CD244: variants seen among roughly 807,000 people sequenced by gnomAD.
CD244 encodes the protein natural killer cell receptor 2B4.
CD244 carries 20 observed loss-of-function variants against 45.5 expected under a neutral mutation model. That is an observed-to-expected ratio of 0.44 (90% CI 0.31 to 0.64). The LOEUF (loss-of-function observed/expected upper bound fraction) is 0.64. Ranked by LOEUF, CD244 falls within the 30% of genes least tolerant of loss-of-function variation. The pLI is 0.08. For synonymous variants in CD244, 185 were observed against 160.5 expected (o/e 1.15, Z -1.15); for missense variants, 407 against 426.9 (o/e 0.95, Z 0.41).
chr1:160,851,648 T>A (rs1319463559), intron 1 of CD244, among the ~76,000 whole-genome samples: 1 of 152,212 alleles, frequency 6.6e-6, no homozygotes, highest in African/African-American at 2.4e-5. Flanking sequence ...GTTTCCTTTT[T>A]TATTTTTACA....
chr1:160,848,975 C>T (rs781684825), intron 1 of CD244, among the ~76,000 whole-genome samples: 1 of 152,142 alleles, frequency 6.6e-6, no homozygotes, highest in Non-Finnish European at 1.5e-5. Context: ...CTGGTTGGTC[C>T]GAAGTTCTGG....
In CD244 at chr1:160,853,782, T is replaced by TAAA. The variant is rs5778184; in HGVS notation, c.61+8832_61+8834dup. Among the ~76,000 whole-genome samples, 126 of 94,722 alleles carry TAAA rather than the reference T, an allele frequency of 1.3e-3. 3 individuals carry two copies. Among genetic ancestry groups the TAAA allele is most frequent in the African/African-American group, 5.2e-3 (120 of 23,130 alleles). 62.1% of individuals were successfully genotyped at this position (94,722 alleles called of 152,430 possible). A position where few individuals can be genotyped will look rare whatever the true frequency, so the allele number is the denominator to read the frequency against. On this transcript the variant is annotated intron_variant, in intron 1 of 8. Coordinates refer to ENST00000368034, the MANE Select transcript of CD244 (RefSeq NM_016382.4). ...CTGGGTGACAGAGCAAGACCCTGCC[T>TAAA]AAAAAAAAAAAAAAAAAAAAAAAAA...
chr1:160,831,351 G>T lies in CD244; in HGVS notation c.1094C>A (p.Ser365Tyr). 1 of 1,613,290 alleles carries T rather than the reference G, an allele frequency of 6.2e-7. No individual in the cohort carries two copies. Among genetic ancestry groups the T allele is most frequent in the Non-Finnish European group, 8.5e-7 (1 of 1,179,194 alleles). The change falls in exon 9 of 9, where the codon TCC (serine) becomes TAC (tyrosine). Residue 365 changes from serine (S) to tyrosine (Y), a missense_variant. Transcript: ENST00000368034. ...RKELENFDVY[S>Y] Reference sequence around the variant, plus strand: ...AGGTGAGAATTGCTGCAGCAACTAGGAATAAACATCAAAGTTCTCCAGCTC... The same window carrying T: ...AGGTGAGAATTGCTGCAGCAACTAGTAATAAACATCAAAGTTCTCCAGCTC...
In CD244 at chr1:160,845,608, C is replaced by T. The variant is rs537535381; in HGVS notation, c.62-3707G>A. On this transcript the variant is annotated intron_variant, in intron 1 of 8. Transcript: ENST00000368034. ...CGGTGGCTCACGCCTGTAATCCCAG[C>T]ACTTTGGGAGGCCCAGGTGGATGGA... is the stretch of plus-strand genomic sequence containing the variant. 2.0e-5 allele frequency among the ~76,000 whole-genome samples: 3 copies of T among 152,308 alleles called. No homozygotes were observed. The East Asian group carries it at 5.8e-4, about 29-fold the overall frequency.
intron 3 of CD244, 164 bp from the exon 4 acceptor site, chr1:160,839,213 G>A (rs6682654): frequency 0.51 from 297,472 of 582,304 alleles, 79,663 homozygotes; most frequent in Middle Eastern, 0.57. Context: ...TTGCTCATTT[G>A]GTTAACCTCC....
At chr1:160,842,851 GCAGT>G (rs1294674138) in intron 1 of CD244, among the ~76,000 whole-genome samples, 3 of 152,174 alleles carry the variant, frequency 2.0e-5, no homozygotes, top group Admixed American at 1.3e-4. Flanking sequence ...GCAATTCTGT[GCAGT>G]CAGTGTACAA....
In CD244 at chr1:160,836,209, T is replaced by C. The variant is rs1231623191; in HGVS notation, c.880A>G (p.Met294Val). Residue 294 changes from methionine to valine, a missense_variant, in exon 6 of 9, where the codon ATG (methionine) becomes GTG (valine). By Grantham distance (21) the Met-to-Val change is conservative. Coordinates refer to ENST00000368034, the MANE Select transcript of CD244 (RefSeq NM_016382.4). ...TGGAGAGGTACCTGGGACTGGATCA[T>C]AGAGTAGATGGTGCTCCCCCCTCCA... ...FPGGGSTIYS[M>V]IQSQSSAPTS... 14 of 1,613,640 alleles carry C rather than the reference T, an allele frequency of 8.7e-6. No homozygotes were observed. Among genetic ancestry groups the C allele is most frequent in the Non-Finnish European group, 1.2e-5 (14 of 1,179,608 alleles).
At chr1:160,855,898 C>T (rs778415289) in intron 1 of CD244, among the ~76,000 whole-genome samples, 3 of 152,178 alleles carry the variant, frequency 2.0e-5, no homozygotes, top group South Asian at 2.1e-4. Flanking sequence ...CAGTGAGTCC[C>T]GCTCAGCCCT....
Position 160,841,396 on chromosome 1 carries a change from C to T in CD244, c.469G>A (p.Asp157Asn). 6.2e-7 allele frequency: 1 copy of T among 1,614,204 alleles called. No homozygotes were observed. The highest frequency in any genetic ancestry group is 1.1e-5 in the South Asian group (1 of 91,084). The change falls in exon 3 of 9, where the codon GAT becomes AAT. Residue 157 changes from aspartate (D) to asparagine (N), a missense_variant. By Grantham distance (23) the Asp-to-Asn change is conservative (BLOSUM62 1). Coordinates refer to ENST00000368034, the MANE Select transcript of CD244 (RefSeq NM_016382.4). ...TACCAAGCATAGGACACATTGCCAT[C>T]CCTGGAGACCAAGCAAGACAGAGCC... ...QVALSCLVSR[D>N]GNVSYAWYRG...
chr1:160,861,471 AG>A (rs1459058863), intron 1 of CD244, among the ~76,000 whole-genome samples: 2 of 152,142 alleles, frequency 1.3e-5, no homozygotes, highest in East Asian at 3.9e-4. Flanking sequence ...TTGTGCCCAG[AG>A]TGTACCCTCC....
chr1:160,862,878 G>A lies in CD244; in HGVS notation c.-201C>T. 1 of 492,754 alleles carries A rather than the reference G, an allele frequency of 2.0e-6. No homozygotes were observed. Among genetic ancestry groups the A allele is most frequent in the East Asian group, 3.1e-5 (1 of 31,860 alleles). The allele number at this position is 492,754 out of a possible 1,614,324, so 30.5% of individuals were successfully genotyped here. A position where few individuals can be genotyped will look rare whatever the true frequency, so the allele number is the denominator to read the frequency against. Reference sequence around the variant, plus strand: ...GCCACTGAGAAAGCCCCAGCGCCTGGAGCTGGTCTGACAGTTCCCACAAGC... The same window carrying A: ...GCCACTGAGAAAGCCCCAGCGCCTGAAGCTGGTCTGACAGTTCCCACAAGC... On this transcript the variant is annotated 5_prime_UTR_variant, in exon 1 of 9. Transcript: ENST00000368034.
intron 1 of CD244, among the ~76,000 whole-genome samples, chr1:160,861,358 G>A (rs1670295917): frequency 6.6e-6 from 1 of 152,136 alleles, no homozygotes; most frequent in Non-Finnish European, 1.5e-5. Context: ...GAATGCTCAG[G>A]GACTCGGTAA....
intron 1 of CD244, among the ~76,000 whole-genome samples, chr1:160,843,697 AATGAACAAC>A (rs1482306256): frequency 6.6e-6 from 1 of 152,260 alleles, no homozygotes; most frequent in African/African-American, 2.4e-5. Flanking sequence ...CTAGAAGAAA[AATGAACAAC>A]ATGTAAAAGC....
At chr1:160,860,695 AAG>A (rs769475392) in intron 1 of CD244, among the ~76,000 whole-genome samples, 3 of 152,268 alleles carry the variant, frequency 2.0e-5, no homozygotes, top group Non-Finnish European at 2.9e-5. Context: ...CAGCTAGAGA[AAG>A]AGAAATAAAG....
At chr1:160,837,206 A>T (rs969466909) in intron 5 of CD244, among the ~76,000 whole-genome samples, 1 of 152,178 alleles carries the variant, frequency 6.6e-6, no homozygotes, top group Non-Finnish European at 1.5e-5. Context: ...GAGTCGGAAG[A>T]AGTAAGCTAA....
In CD244 at chr1:160,862,823, G is replaced by A. The variant is rs1670359379; in HGVS notation, c.-146C>T. 1.6e-6 allele frequency: 1 copy of A among 614,220 alleles called. No homozygotes were observed. The highest frequency in any genetic ancestry group is 2.3e-5 in the South Asian group (1 of 43,154). The allele number at this position is 614,220 out of a possible 1,614,324, so 38.0% of individuals were successfully genotyped here. A position where few individuals can be genotyped will look rare whatever the true frequency, so the allele number is the denominator to read the frequency against. On this transcript the variant is annotated 5_prime_UTR_variant, in exon 1 of 9. Transcript: ENST00000368034. ...TCCAGCCACAGTTTCCTCAATTAGAGGCTGTTAACGCCTGCTGTGAGCTGA... is the reference window on the plus strand; with the variant it reads ...TCCAGCCACAGTTTCCTCAATTAGAAGCTGTTAACGCCTGCTGTGAGCTGA...
chr1:160,844,396 T>C (rs748404185), intron 1 of CD244, among the ~76,000 whole-genome samples: 1 of 152,208 alleles, frequency 6.6e-6, no homozygotes, highest in Non-Finnish European at 1.5e-5. Flanking sequence ...CGTGATAGAA[T>C]GCAAAAATAC....
intron 1 of CD244, among the ~76,000 whole-genome samples, chr1:160,857,611 A>G (rs1316101795): frequency 2.6e-5 from 4 of 152,276 alleles, no homozygotes; most frequent in Middle Eastern, 3.2e-3. Context: ...TATTTATGGA[A>G]GACAGAGGAA....
At position 160,834,138 on chromosome 1, in the gene CD244, T is replaced by C. The variant is rs746921306; in HGVS notation, c.895-22A>G. The stretch of plus-strand genomic sequence containing the variant: ...AAGACTAATGAGAAGAGAAATAAAA[T>C]CATTTCAGAAGCACAGATCCAGCAC... On this transcript the variant is annotated intron_variant, in intron 6 of 8. Coordinates refer to ENST00000368034, the MANE Select transcript of CD244 (RefSeq NM_016382.4). 2.6e-6 allele frequency: 4 copies of C among 1,526,680 alleles called. No individual in the cohort carries two copies. The East Asian group carries it at 9.0e-5, about 34-fold the overall frequency. The allele number at this position is 1,526,680 out of a possible 1,614,324, so 94.6% of individuals were successfully genotyped here.
Sources: gnomAD v4.1 joint callset for allele counts (sites outside exome capture counted in the v4.1 genomes callset) on GRCh38, gnomAD v4.1.1 for gene constraint, MANE v1.5 for transcripts, NCBI Gene and HGNC (gene_info 2026-07-23, HGNC 2026-07-21) for gene names.